The following MAP3K20 variants were observed in gnomAD, a reference collection of about 807,000 sequenced individuals.
MAP3K20 encodes the protein mitogen-activated protein kinase kinase kinase 20.
Under a neutral mutation model 85.7 loss-of-function variants are expected in MAP3K20, and 40 were observed. That is an observed-to-expected ratio of 0.47 (90% CI 0.36 to 0.61). MAP3K20 has a LOEUF of 0.61. Among genes scored for constraint, MAP3K20 ranks in the 20% least tolerant of loss-of-function variants. The pLI, the probability that MAP3K20 is intolerant of heterozygous loss-of-function variation, is 0.00. For missense variants in MAP3K20, 817 were observed against 961.7 expected, an observed-to-expected ratio of 0.85 and a Z score of 1.99; for synonymous variants, 325 against 327.7, an observed-to-expected ratio of 0.99 and a Z score of 0.09.
intron 11 of MAP3K20, among the ~76,000 whole-genome samples, chr2:173,219,791 A>G (rs1182056822): frequency 1.3e-5 from 2 of 152,176 alleles, no homozygotes; most frequent in Admixed American, 6.5e-5. Flanking sequence ...AATTGAGGCC[A>G]GGCGCAGTGG....
At chr2:173,120,073 G>A (rs1289543900) in intron 2 of MAP3K20, among the ~76,000 whole-genome samples, 1 of 151,914 alleles carries the variant, frequency 6.6e-6, no homozygotes, top group Admixed American at 6.6e-5. Flanking sequence ...TTTTTTAAAA[G>A]AAAATGGTTT....
intron 14 of MAP3K20, among the ~76,000 whole-genome samples, chr2:173,235,339 T>C (rs1684623605): frequency 6.6e-6 from 1 of 152,226 alleles, no homozygotes; most frequent in Non-Finnish European, 1.5e-5. Context: ...CAGGTTGTTG[T>C]GATTGTCTGT....
At chr2:173,194,909 T>G (rs1458402124) in intron 7 of MAP3K20, among the ~76,000 whole-genome samples, 1 of 152,112 alleles carries the variant, frequency 6.6e-6, no homozygotes, top group Non-Finnish European at 1.5e-5. Flanking sequence ...TGTTGCTTCT[T>G]AACAAATGGC....
rs146138781 is a variant in MAP3K20, at chr2:173,194,435, G to A, written c.582+3258G>A. Among the ~76,000 whole-genome samples, 48 of 152,062 alleles carry A rather than the reference G, an allele frequency of 3.2e-4. No homozygotes were observed. In the East Asian group the frequency reaches 7.4e-3, roughly 23 times the overall value. ...GCGACTTTTTATTTAAACAACCACA[G>A]GTATTTTTTTAATGAAGAAAGCATT... On this transcript the variant is annotated intron_variant, in intron 7 of 19. Transcript: ENST00000375213.
intron 3 of MAP3K20, among the ~76,000 whole-genome samples, chr2:173,170,096 G>A (rs1358327406): frequency 6.6e-6 from 1 of 152,092 alleles, no homozygotes; most frequent in Non-Finnish European, 1.5e-5. Context: ...GTTTAATTGT[G>A]CTAATTATAT....
chr2:173,147,831 C>T (rs1249328687), intron 2 of MAP3K20, among the ~76,000 whole-genome samples: 2 of 152,078 alleles, frequency 1.3e-5, no homozygotes, highest in Non-Finnish European at 2.9e-5. Context: ...GTGATCCACC[C>T]ACCTCAGCCT....
At chr2:173,163,935 A>C (rs544872860) in intron 2 of MAP3K20, among the ~76,000 whole-genome samples, 1 of 150,880 alleles carries the variant, frequency 6.6e-6, no homozygotes, top group South Asian at 2.1e-4. Context: ...TTTCTGTACA[A>C]CTTTACCAGC....
At chr2:173,156,171 T>G (rs764200905) in intron 2 of MAP3K20, among the ~76,000 whole-genome samples, 15 of 152,254 alleles carry the variant, frequency 9.9e-5, no homozygotes, top group Non-Finnish European at 4.4e-5. Context: ...GAATAATGAA[T>G]TGTTGAGCTG....
intron 10 of MAP3K20, 130 bp downstream of exon 10, chr2:173,209,965 T>C (rs1683828977): frequency 1.2e-6 from 1 of 825,298 alleles, no homozygotes; most frequent in African/African-American, 1.7e-5. Context: ...AAAGAAAAGG[T>C]TTTTTTTATG....
intron 2 of MAP3K20, among the ~76,000 whole-genome samples, chr2:173,164,877 G>C (rs1689769194): frequency 6.6e-6 from 1 of 152,052 alleles, no homozygotes; most frequent in African/African-American, 2.4e-5. Flanking sequence ...TAAACTTATA[G>C]AAATGCCGAT....
chr2:173,109,560 GA>G (rs1165260666), intron 2 of MAP3K20, among the ~76,000 whole-genome samples: 1 of 151,816 alleles, frequency 6.6e-6, no homozygotes. Context: ...TGAGTAAGAA[GA>G]AATCTTCCTT....
chr2:173,082,963 G>A (rs976245908), intron 1 of MAP3K20, among the ~76,000 whole-genome samples: 1 of 152,252 alleles, frequency 6.6e-6, no homozygotes, highest in Non-Finnish European at 1.5e-5. Context: ...TGGTAAGGAA[G>A]TGTGTTGTGG....
At chr2:173,096,152 C>A (rs147942576) in intron 2 of MAP3K20, among the ~76,000 whole-genome samples, 11 of 152,134 alleles carry the variant, frequency 7.2e-5, no homozygotes, top group Admixed American at 2.0e-4. Flanking sequence ...TCCTTAAACA[C>A]TTCATCCTGT....
rs531259405 is a variant in MAP3K20, at chr2:173,079,602, A to C, written c.-35+3600A>C. 5.1e-4 allele frequency among the ~76,000 whole-genome samples: 77 copies of C among 152,330 alleles called. No individual in the cohort carries two copies. In the South Asian group the frequency reaches 0.015, roughly 30 times the overall value. ...CACAAACACATTGTACAGCTATACA[A>C]AAATTCTTTATATCCTTATTCTGTA... On this transcript the variant is annotated intron_variant, in intron 1 of 19. Coordinates refer to ENST00000375213, the MANE Select transcript of MAP3K20 (RefSeq NM_016653.3).
chr2:173,104,870 A>T (rs1166929169), intron 2 of MAP3K20, among the ~76,000 whole-genome samples: 6 of 152,128 alleles, frequency 3.9e-5, no homozygotes, highest in Non-Finnish European at 8.8e-5. Context: ...AAGGGAGGGA[A>T]CCAAGCATGG....
rs192110260 is a variant in MAP3K20 at position 173,116,822 on chromosome 2, G to A, written c.159+25632G>A. Among the ~76,000 whole-genome samples the A allele has an allele frequency of 2.0e-3, 299 of 152,298 alleles. 1 individual carries two copies. Among genetic ancestry groups the A allele is most frequent in the Non-Finnish European group, 3.2e-3 (219 of 68,026 alleles). ...AGAACCTTCAAAATGGCATGCCTGC[G>A]CTTCCCTTCTTTGCCTATAATCTAT... On this transcript the variant is annotated intron_variant, in intron 2 of 19. Transcript: ENST00000375213.
At chr2:173,243,156 A>G (rs1229008514) in intron 16 of MAP3K20, among the ~76,000 whole-genome samples, 2 of 152,188 alleles carry the variant, frequency 1.3e-5, no homozygotes, top group African/African-American at 4.8e-5. Flanking sequence ...GCAATAGACA[A>G]AATCCACAAA....
At chr2:173,254,040 C>G (rs1685100451) in intron 16 of MAP3K20, among the ~76,000 whole-genome samples, 1 of 147,832 alleles carries the variant, frequency 6.8e-6, no homozygotes, top group Non-Finnish European at 1.5e-5. Flanking sequence ...CACTGCCCTC[C>G]AGCCCGGGTG....
At chr2:173,229,609 AGAGT>A in intron 11 of MAP3K20, 76 bp from the exon 12 acceptor site, 5 of 1,582,536 alleles carry the variant, frequency 3.2e-6, no homozygotes. Context: ...GAGAGCTGAA[AGAGT>A]GAGACAAGAG....
Sources: gnomAD v4.1 joint callset for allele counts (sites outside exome capture counted in the v4.1 genomes callset) on GRCh38, gnomAD v4.1.1 for gene constraint, MANE v1.5 for transcripts, NCBI Gene and HGNC (gene_info 2026-07-23, HGNC 2026-07-21) for gene names.